Variants in PRKG1 observed in about 807,000 individuals in gnomAD.
PRKG1 encodes protein kinase cGMP-dependent 1.
PRKG1 carries 35 observed loss-of-function variants against 88.1 expected under a neutral mutation model. That is an observed-to-expected ratio of 0.40 (90% CI 0.30 to 0.53). PRKG1 has a LOEUF of 0.53. Among genes scored for constraint, PRKG1 ranks in the 20% least tolerant of loss-of-function variants. PRKG1 has a pLI of 0.59. For synonymous variants in PRKG1, 303 were observed against 292.5 expected (o/e 1.04, Z -0.37); for missense variants, 540 against 839.8 (o/e 0.64, Z 4.41).
chr10:51,124,576 A>G (rs990996236), intron 1 of PRKG1, among the ~76,000 whole-genome samples: 1 of 152,142 alleles, frequency 6.6e-6, no homozygotes, highest in African/African-American at 2.4e-5. Flanking sequence ...GTTTTGTTCT[A>G]ATTTGCTGAT....
intron 1 of PRKG1, among the ~76,000 whole-genome samples, chr10:51,024,283 A>G (rs1249018668): frequency 3.3e-5 from 5 of 152,196 alleles, no homozygotes; most frequent in Non-Finnish European, 2.9e-5. Flanking sequence ...CTGAGGCCCA[A>G]ATCATAGCCA....
At chr10:52,145,682 G>A (rs1837711229) in intron 8 of PRKG1, among the ~76,000 whole-genome samples, 1 of 152,118 alleles carries the variant, frequency 6.6e-6, no homozygotes, top group South Asian at 2.1e-4. Context: ...CACTTTTTTG[G>A]TGGAGTTAAA....
chr10:52,080,376 C>G (rs1451794357), intron 7 of PRKG1, among the ~76,000 whole-genome samples: 1 of 152,094 alleles, frequency 6.6e-6, no homozygotes, highest in African/African-American at 2.4e-5. Context: ...TTGAATCCAA[C>G]AAAACAAATA....
intron 5 of PRKG1, among the ~76,000 whole-genome samples, chr10:51,944,586 G>A (rs12771133): frequency 0.2 from 30,271 of 151,906 alleles, 4,001 homozygotes; most frequent in Non-Finnish European, 0.29. Flanking sequence ...TCTCTTGTGG[G>A]CATTTAGTGC....
chr10:51,404,948 T>A (rs1837863953), intron 2 of PRKG1, among the ~76,000 whole-genome samples: 1 of 152,204 alleles, frequency 6.6e-6, no homozygotes, highest in African/African-American at 2.4e-5. Context: ...TTGTTTCTTT[T>A]TAAGACGTGA....
chr10:51,711,179 C>T (rs537133931), intron 3 of PRKG1, among the ~76,000 whole-genome samples: 2 of 152,276 alleles, frequency 1.3e-5, no homozygotes, highest in African/African-American at 4.8e-5. Context: ...AATCTTGGCT[C>T]ACTGCAAGCT....
rs565361962 is a variant in PRKG1, at chr10:51,588,941, AG to A, written c.592+121106del. Among the ~76,000 whole-genome samples, 618 of 152,268 alleles carry A rather than the reference AG, an allele frequency of 4.1e-3. 6 individuals are homozygous for A. Among genetic ancestry groups the A allele is most frequent in the African/African-American group, 0.014 (593 of 41,570 alleles). ...TCTATGAATATTTTAAATATACAAAAGTTTTAGATAGATACCAAATAAAAAT... is the reference window on the plus strand; with the variant it reads ...TCTATGAATATTTTAAATATACAAAATTTTAGATAGATACCAAATAAAAAT... On this transcript the variant is annotated intron_variant, in intron 3 of 17. Coordinates refer to ENST00000373980, the MANE Select transcript of PRKG1 (RefSeq NM_006258.4).
At chr10:51,207,350 A>T (rs988551668) in intron 2 of PRKG1, among the ~76,000 whole-genome samples, 1 of 152,150 alleles carries the variant, frequency 6.6e-6, no homozygotes, top group Non-Finnish European at 1.5e-5. Context: ...TTATTCACTA[A>T]ATCTCTTATT....
At chr10:51,473,487 T>A (rs1306555339) in intron 3 of PRKG1, among the ~76,000 whole-genome samples, 1 of 151,886 alleles carries the variant, frequency 6.6e-6, no homozygotes, top group East Asian at 1.9e-4. Context: ...ATGTCCAATT[T>A]CTATATTGAC....
intron 3 of PRKG1, 56 bp from the exon 4 acceptor site, chr10:51,804,529 A>C: frequency 8.3e-7 from 1 of 1,207,104 alleles, no homozygotes; most frequent in South Asian, 1.2e-5. Flanking sequence ...TGTTGTTCAC[A>C]GTTGAAATTC....
intron 3 of PRKG1, among the ~76,000 whole-genome samples, chr10:51,658,300 C>G (rs1840211924): frequency 6.6e-6 from 1 of 152,092 alleles, no homozygotes; most frequent in Admixed American, 6.6e-5. Context: ...GATCTGGCCT[C>G]TCTGCCACCC....
chr10:51,364,223 A>T (rs1209356300), intron 2 of PRKG1, among the ~76,000 whole-genome samples: 2 of 151,676 alleles, frequency 1.3e-5, no homozygotes, highest in Non-Finnish European at 2.9e-5. Context: ...CACTCTATCC[A>T]CTCTATGGTT....
chr10:51,916,371 C>T (rs953956850), intron 5 of PRKG1, among the ~76,000 whole-genome samples: 1 of 152,166 alleles, frequency 6.6e-6, no homozygotes, highest in African/African-American at 2.4e-5. Flanking sequence ...AATGCCACGG[C>T]AACATCAGGA....
intron 1 of PRKG1, among the ~76,000 whole-genome samples, chr10:51,115,707 C>T (rs186712392): frequency 1.3e-4 from 19 of 151,618 alleles, no homozygotes; most frequent in East Asian, 1.2e-3. Context: ...CGTGGTGACG[C>T]GCACCTGTAG....
chr10:52,022,490 G>T (rs61847552), intron 5 of PRKG1, among the ~76,000 whole-genome samples: 1 of 152,038 alleles, frequency 6.6e-6, no homozygotes, highest in Non-Finnish European at 1.5e-5. Flanking sequence ...ATTGTTATAT[G>T]ACAAATCCAG....
At chr10:51,432,208 T>C (rs1401905370) in intron 2 of PRKG1, among the ~76,000 whole-genome samples, 1 of 152,196 alleles carries the variant, frequency 6.6e-6, no homozygotes, top group African/African-American at 2.4e-5. Context: ...AAACTGATAA[T>C]TTTTTATTGC....
chr10:51,508,571 A>T (rs1841298062), intron 3 of PRKG1, among the ~76,000 whole-genome samples: 2 of 152,126 alleles, frequency 1.3e-5, no homozygotes, highest in Admixed American at 1.3e-4. Flanking sequence ...AAAAACCTTA[A>T]ATCTTTTGCT....
At chr10:51,954,848 A>G (rs1843265743) in intron 5 of PRKG1, among the ~76,000 whole-genome samples, 1 of 152,176 alleles carries the variant, frequency 6.6e-6, no homozygotes. Context: ...CTAAATTTAC[A>G]AAGATGGAGA....
chr10:51,999,388 A>G (rs1057459024), intron 5 of PRKG1, among the ~76,000 whole-genome samples: 16 of 152,226 alleles, frequency 1.1e-4, no homozygotes, highest in South Asian at 2.1e-4. Flanking sequence ...TGAACTTTAT[A>G]AAACTGAGCA....
Sources: gnomAD v4.1 joint callset for allele counts (sites outside exome capture counted in the v4.1 genomes callset) on GRCh38, gnomAD v4.1.1 for gene constraint, MANE v1.5 for transcripts, NCBI Gene and HGNC (gene_info 2026-07-23, HGNC 2026-07-21) for gene names.